Variants in USP2 observed in about 807,000 individuals in gnomAD.
The protein encoded by USP2 is ubiquitin carboxyl-terminal hydrolase 2.
In USP2, 33 loss-of-function variants were observed where a neutral mutation model predicts 72.0. The ratio of observed to expected loss-of-function variants is 0.46; its 90% confidence interval spans 0.35 to 0.61. The LOEUF (loss-of-function observed/expected upper bound fraction) is 0.61. Ranked by LOEUF, USP2 falls within the 20% of genes least tolerant of loss-of-function variation. The pLI is 0.01. For synonymous variants in USP2, 296 were observed against 312.5 expected (o/e 0.95, Z 0.56); for missense variants, 691 against 797.8 (o/e 0.87, Z 1.61).
At chr11:119,360,484 T>C in intron 2 of USP2, 1 of 547,610 alleles carries the variant, frequency 1.8e-6, no homozygotes, top group Non-Finnish European at 3.4e-6. Flanking sequence ...AGTGCAGTGG[T>C]ACGATCTTAG....
intron 2 of USP2, among the ~76,000 whole-genome samples, chr11:119,368,564 G>A (rs1950885397): frequency 2.6e-5 from 4 of 152,230 alleles, no homozygotes; most frequent in Admixed American, 2.0e-4. Context: ...TGAACAGCTG[G>A]AACCCAAGGC....
rs1447344517 is a variant in USP2 at position 119,373,055 on chromosome 11, G to A, written c.426C>T (p.Ser142=). The change falls in exon 2 of 13, where the codon AGC becomes AGT. Residue 142 remains serine (S), a synonymous_variant. Coordinates refer to ENST00000260187, the MANE Select transcript of USP2 (RefSeq NM_004205.5). ...QGVTLTQKLD[S]QSDLARDFSS... Reference sequence around the variant, plus strand: ...AGAAATCCCGGGCCAGGTCTGATTGGCTGTCCAGCTTCTGGGTTAGGGTCA... The same window carrying A: ...AGAAATCCCGGGCCAGGTCTGATTGACTGTCCAGCTTCTGGGTTAGGGTCA... 6.2e-7 allele frequency: 1 copy of A among 1,613,984 alleles called. No homozygotes were observed. The highest frequency in any genetic ancestry group is 8.5e-7 in the Non-Finnish European group (1 of 1,180,034).
rs772845975 is a variant in USP2 at position 119,372,825 on chromosome 11, C to T, written c.656G>A (p.Arg219Gln). Reference sequence around the variant, plus strand: ...GGTTGGGCTGATGATTTCAGGGACTCGTGAGGGAGGGGCCTGGGAGGGCAC... The same window carrying T: ...GGTTGGGCTGATGATTTCAGGGACTTGTGAGGGAGGGGCCTGGGAGGGCAC... ...SQVPSQAPPSRVPEIISPTYR... is the reference protein window; with the variant it reads ...SQVPSQAPPSQVPEIISPTYR... The change falls in exon 2 of 13, where the codon CGA becomes CAA. Residue 219 changes from arginine to glutamine, a missense_variant. Physicochemically the swap from Arg to Gln is conservative, Grantham distance 43. Transcript: ENST00000260187. 8.1e-6 allele frequency: 13 copies of T among 1,607,494 alleles called. No homozygotes were observed. Among genetic ancestry groups the T allele is most frequent in the Middle Eastern group, 1.7e-4 (1 of 6,024 alleles).
chr11:119,373,255 G>A lies in USP2; in HGVS notation c.226C>T (p.Arg76Trp), dbSNP rs145987190. 82 of 1,613,798 alleles carry A rather than the reference G, an allele frequency of 5.1e-5. No individual in the cohort carries two copies. Among genetic ancestry groups the A allele is most frequent in the Middle Eastern group, 1.6e-4 (1 of 6,082 alleles). The change falls in exon 2 of 13, where the codon CGG (arginine) becomes TGG (tryptophan). Residue 76 changes from arginine to tryptophan, a missense_variant. By Grantham distance (101) the Arg-to-Trp change is moderately radical. Transcript: ENST00000260187. The stretch of plus-strand genomic sequence containing the variant: ...TCGGGTCTCAGCAGGGGGCGGCCCC[G>A]GTCATAGTCCAGGAGGGAGGAGGGG... Reference protein sequence around the residue: ...YGPSSLLDYDRGRPLLRPDIT... With the variant: ...YGPSSLLDYDWGRPLLRPDIT...
At chr11:119,367,177 C>T (rs1410074498) in intron 2 of USP2, among the ~76,000 whole-genome samples, 1 of 152,334 alleles carries the variant, frequency 6.6e-6, no homozygotes, top group East Asian at 1.9e-4. Flanking sequence ...CAGTGACTCT[C>T]TGTGCTTCAA....
chr11:119,374,732 C>G (rs145543438), intron 1 of USP2, among the ~76,000 whole-genome samples: 1,849 of 152,164 alleles, frequency 0.012, 12 homozygotes, highest in Non-Finnish European at 0.02. Context: ...CGCCTTTCCC[C>G]GAGGGCATCA....
chr11:119,366,376 T>A (rs1950853004), intron 2 of USP2, among the ~76,000 whole-genome samples: 2 of 152,236 alleles, frequency 1.3e-5, no homozygotes, highest in African/African-American at 4.8e-5. Context: ...AAATTCTGCC[T>A]AAAATTTGCA....
chr11:119,380,534 T>A (rs758741764), intron 1 of USP2, among the ~76,000 whole-genome samples: 1 of 152,072 alleles, frequency 6.6e-6, no homozygotes, highest in Non-Finnish European at 1.5e-5. Flanking sequence ...TCTTAGCCTC[T>A]CTGGCCTTGG....
At chr11:119,369,105 T>C (rs1221545423) in intron 2 of USP2, among the ~76,000 whole-genome samples, 2 of 152,120 alleles carry the variant, frequency 1.3e-5, no homozygotes, top group African/African-American at 4.8e-5. Flanking sequence ...CCCACTTGGG[T>C]TAGTGAACAC....
chr11:119,356,772 T>C lies in USP2; in HGVS notation c.*63A>G. ...TTGTTGTTGTTGTTTTGTTTTTGTCTTTTTAAAAAATTTAGGGAGCGGGGC... is the reference window on the plus strand; with the variant it reads ...TTGTTGTTGTTGTTTTGTTTTTGTCCTTTTAAAAAATTTAGGGAGCGGGGC... On this transcript the variant is annotated 3_prime_UTR_variant, in exon 13 of 13. Transcript: ENST00000260187. 6.9e-7 allele frequency: 1 copy of C among 1,453,946 alleles called. No individual in the cohort carries two copies. Among genetic ancestry groups the C allele is most frequent in the Non-Finnish European group, 9.2e-7 (1 of 1,085,782 alleles). The allele number at this position is 1,453,946 out of a possible 1,614,324, so 90.1% of individuals were successfully genotyped here. A position where few individuals can be genotyped will look rare whatever the true frequency, so the allele number is the denominator to read the frequency against.
intron 2 of USP2, chr11:119,364,205 G>A (rs1376266069): frequency 3.5e-6 from 4 of 1,148,328 alleles, no homozygotes; most frequent in Non-Finnish European, 4.3e-6. Flanking sequence ...CGCTCCGGCC[G>A]ACTGGCGGCC....
At chr11:119,360,338 C>G in intron 2 of USP2, 104 bp from the exon 3 acceptor site, 4 of 1,136,920 alleles carry the variant, frequency 3.5e-6, no homozygotes, top group Non-Finnish European at 5.2e-6. Context: ...AGGCAGCAGG[C>G]CACACATAAT....
chr11:119,364,201 G>T, intron 2 of USP2: 1 of 1,153,372 alleles, frequency 8.7e-7, no homozygotes. Flanking sequence ...CTCGCGCTCC[G>T]GCCGACTGGC....
intron 2 of USP2, among the ~76,000 whole-genome samples, chr11:119,367,616 T>C (rs1352547787): frequency 6.6e-6 from 1 of 152,192 alleles, no homozygotes; most frequent in East Asian, 1.9e-4. Context: ...CCCCACTCTC[T>C]GTAGGAAGGT....
chr11:119,369,569 C>G (rs1466167149), intron 2 of USP2, among the ~76,000 whole-genome samples: 2 of 152,156 alleles, frequency 1.3e-5, no homozygotes, highest in Non-Finnish European at 2.9e-5. Context: ...GCCAAACGCC[C>G]CCTTTCTATG....
In USP2 at chr11:119,372,895, C is replaced by T; in HGVS notation, c.586G>A (p.Val196Ile). The T allele has an allele frequency of 1.2e-6, 2 of 1,610,618 alleles. No homozygotes were observed. Among genetic ancestry groups the T allele is most frequent in the Middle Eastern group, 3.3e-4 (2 of 6,044 alleles). ...YQTASCPEYL[V>I]DYLENYGRKG... is the part of the protein sequence containing the mutation. The stretch of plus-strand genomic sequence containing the variant: ...CGACCATAGTTCTCCAGGTAGTCGA[C>T]CAGGTATTCAGGGCAGCTGGCTGTC... Residue 196 changes from valine to isoleucine, a missense_variant, in exon 2 of 13, where the codon GTC (valine) becomes ATC (isoleucine). Transcript: ENST00000260187.
intron 2 of USP2, among the ~76,000 whole-genome samples, chr11:119,361,554 G>A (rs1431218408): frequency 1.3e-5 from 2 of 151,032 alleles, no homozygotes; most frequent in African/African-American, 2.4e-5. Flanking sequence ...TACTCATGCC[G>A]TGTGCTGACA....
At chr11:119,357,938 T>G (rs1197301018) in intron 9 of USP2, 43 bp downstream of exon 9, 1 of 1,613,820 alleles carries the variant, frequency 6.2e-7, no homozygotes. Flanking sequence ...TCCCAGTAGG[T>G]CCCACGGAAA....
rs564427911 is a variant in USP2 at position 119,373,009 on chromosome 11, T to C, written c.472A>G (p.Ser158Gly). Residue 158 changes from serine (S) to glycine (G), a missense_variant, in exon 2 of 13, where the codon AGC becomes GGC. Physicochemically the swap from Ser to Gly is moderately conservative, Grantham distance 56. Coordinates refer to ENST00000260187, the MANE Select transcript of USP2 (RefSeq NM_004205.5). ...RDFSSLRTSDSYRIDPRNLGR... is the reference protein window; with the variant it reads ...RDFSSLRTSDGYRIDPRNLGR... Reference sequence around the variant, plus strand: ...AGGTTCCTGGGGTCTATCCGGTAGCTATCTGAGGTCCGGAGGCTGGAGAAA... The same window carrying C: ...AGGTTCCTGGGGTCTATCCGGTAGCCATCTGAGGTCCGGAGGCTGGAGAAA... The C allele has an allele frequency of 1.2e-6, 2 of 1,613,848 alleles. No individual in the cohort carries two copies. Among genetic ancestry groups the C allele is most frequent in the African/African-American group, 2.7e-5 (2 of 75,050 alleles).
Sources: allele counts gnomAD v4.1 joint callset (sites outside exome capture counted in the v4.1 genomes callset), GRCh38; gene constraint gnomAD v4.1.1; transcripts MANE v1.5; gene names NCBI Gene and HGNC (gene_info 2026-07-23, HGNC 2026-07-21).